The following HTT variants were observed in gnomAD, a reference collection of about 807,000 sequenced individuals.
The protein encoded by HTT is huntington disease protein.
HTT carries 104 observed loss-of-function variants against 362.3 expected under a neutral mutation model. That is an observed-to-expected ratio of 0.29 (90% CI 0.24 to 0.34). HTT has a LOEUF of 0.34. HTT is among the 10% of genes least tolerant of loss of function. The probability of loss-of-function intolerance (pLI) is 1.00; values close to 1 mark genes in which losing one functional copy is unlikely to be tolerated. For synonymous variants in HTT, 1,577 were observed against 1,548.7 expected, an observed-to-expected ratio of 1.02 and a Z score of -0.43; for missense variants, 3,301 against 3,928.6, an observed-to-expected ratio of 0.84 and a Z score of 4.27.
intron 26 of HTT, among the ~76,000 whole-genome samples, chr4:3,149,460 C>T (rs1220650981): frequency 6.6e-6 from 1 of 152,052 alleles, no homozygotes; most frequent in African/African-American, 2.4e-5. Context: ...CATGCACCAC[C>T]ACACCCAGCT....
chr4:3,161,692 G>A (rs1016144048), intron 29 of HTT, among the ~76,000 whole-genome samples: 11 of 152,018 alleles, frequency 7.2e-5, no homozygotes, highest in African/African-American at 2.2e-4. Context: ...GCATTTTTTC[G>A]TATGTCTGTT....
intron 29 of HTT, among the ~76,000 whole-genome samples, chr4:3,170,152 T>A (rs963504268): frequency 1.3e-5 from 2 of 152,192 alleles, no homozygotes; most frequent in African/African-American, 4.8e-5. Context: ...TTTTACTTTG[T>A]TGGATGCTAT....
intron 31 of HTT, among the ~76,000 whole-genome samples, chr4:3,174,425 A>G (rs190155522): frequency 9.2e-5 from 14 of 152,314 alleles, no homozygotes; most frequent in African/African-American, 3.4e-4. Context: ...CTCAAATCTC[A>G]CTTAAGACTG....
At chr4:3,147,413 C>T (rs1716661995) in intron 25 of HTT, among the ~76,000 whole-genome samples, 1 of 152,066 alleles carries the variant, frequency 6.6e-6, no homozygotes, top group African/African-American at 2.4e-5. Flanking sequence ...GAGGGTGTAG[C>T]ACCTTGGCGA....
At chr4:3,086,577 G>T (rs1052256844) in intron 1 of HTT, among the ~76,000 whole-genome samples, 1 of 152,170 alleles carries the variant, frequency 6.6e-6, no homozygotes, top group Non-Finnish European at 1.5e-5. Context: ...AGGCTGAGAC[G>T]GGAGGATCCT....
rs558375924 is a variant in HTT at position 3,187,226 on chromosome 4, A to G, written c.4990-425A>G. Among the ~76,000 whole-genome samples, 255 of 140,440 alleles carry G rather than the reference A, an allele frequency of 1.8e-3. 2 individuals carry two copies. Among genetic ancestry groups the G allele is most frequent in the Admixed American group, 3.3e-3 (46 of 13,950 alleles). 92.1% of individuals were successfully genotyped at this position (140,440 alleles called of 152,430 possible). On this transcript the variant is annotated intron_variant, in intron 38 of 66. Coordinates refer to ENST00000355072, the MANE Select transcript of HTT (RefSeq NM_001388492.1). ...GCTGGAGTACAGTGGCGCTACCTCG[A>G]CTCACTGCAACCTCCGCCTCCCGGG...
At chr4:3,211,005 C>G (rs1361607901) in intron 47 of HTT, among the ~76,000 whole-genome samples, 1 of 150,352 alleles carries the variant, frequency 6.7e-6, no homozygotes, top group Non-Finnish European at 1.5e-5. Flanking sequence ...TGGGTTCATA[C>G]GATTCTCCTG....
chr4:3,136,076 TCA>T, intron 20 of HTT, 109 bp downstream of exon 20: 2 of 932,804 alleles, frequency 2.1e-6, no homozygotes, highest in South Asian at 1.6e-5. Context: ...GATGTTTATT[TCA>T]CAGTTTATAT....
chr4:3,076,316 A>G (rs1712547102), intron 1 of HTT, among the ~76,000 whole-genome samples: 1 of 152,122 alleles, frequency 6.6e-6, no homozygotes, highest in Non-Finnish European at 1.5e-5. Flanking sequence ...TCAGTATTCT[A>G]TTTCCGATCT....
intron 64 of HTT, among the ~76,000 whole-genome samples, chr4:3,237,436 C>A (rs1243800852): frequency 3.3e-5 from 5 of 152,216 alleles, no homozygotes; most frequent in Admixed American, 6.5e-5. Flanking sequence ...TCACTGAGCA[C>A]CACTGCGACT....
chr4:3,186,945 G>A (rs575803617), intron 38 of HTT, among the ~76,000 whole-genome samples: 1 of 146,876 alleles, frequency 6.8e-6, no homozygotes, highest in Non-Finnish European at 1.5e-5. Context: ...TGCAAGCTCT[G>A]CCTTCCAGCT....
intron 1 of HTT, among the ~76,000 whole-genome samples, chr4:3,080,952 T>C (rs1712864807): frequency 6.6e-6 from 1 of 152,244 alleles, no homozygotes; most frequent in South Asian, 2.1e-4. Flanking sequence ...GGTCTTTATG[T>C]CGATCCTGTG....
intron 21 of HTT, among the ~76,000 whole-genome samples, chr4:3,140,013 G>T (rs931802582): frequency 1.3e-5 from 2 of 152,036 alleles, no homozygotes; most frequent in Non-Finnish European, 1.5e-5. Context: ...CCAGCACTAT[G>T]GGGGGCTGAG....
In HTT at chr4:3,241,412, CA is replaced by C. The variant is rs1721794485; in HGVS notation, c.*1355del. 1 of 152,352 alleles carries C rather than the reference CA, an allele frequency of 6.6e-6. No individual in the cohort carries two copies. The highest frequency in any genetic ancestry group is 1.5e-5 in the Non-Finnish European group (1 of 68,078). 9.4% of individuals were successfully genotyped at this position (152,352 alleles called of 1,614,324 possible). ...CTCCTGTTTGCAGGCCCAGAGGAGCCAAGTCATTAAAATGGAAGTGGATTCT... is the reference window on the plus strand; with the variant it reads ...CTCCTGTTTGCAGGCCCAGAGGAGCCAGTCATTAAAATGGAAGTGGATTCT... On this transcript the variant is annotated 3_prime_UTR_variant, in exon 67 of 67. Coordinates refer to ENST00000355072, the MANE Select transcript of HTT (RefSeq NM_001388492.1).
At chr4:3,171,648 T>G (rs186472013) in intron 29 of HTT, among the ~76,000 whole-genome samples, 2 of 152,214 alleles carry the variant, frequency 1.3e-5, no homozygotes, top group African/African-American at 4.8e-5. Context: ...TGGCTAATTT[T>G]GTATTTTTGG....
chr4:3,077,068 C>T (rs1266712690), intron 1 of HTT, among the ~76,000 whole-genome samples: 1 of 151,956 alleles, frequency 6.6e-6, no homozygotes, highest in East Asian at 1.9e-4. Context: ...ATCCAAGCTA[C>T]CTGGGAGGCT....
intron 37 of HTT, among the ~76,000 whole-genome samples, chr4:3,186,063 A>G (rs910152459): frequency 2.0e-5 from 3 of 152,226 alleles, no homozygotes; most frequent in Non-Finnish European, 4.4e-5. Flanking sequence ...TGATTTTTCA[A>G]AACAACTAAA....
In HTT at chr4:3,240,823, A is replaced by G. The variant is rs552157571; in HGVS notation, c.*764A>G. 6.5e-6 allele frequency: 1 copy of G among 152,698 alleles called. No homozygotes were observed. The highest frequency in any genetic ancestry group is 2.4e-5 in the African/African-American group (1 of 41,556). 9.5% of individuals were successfully genotyped at this position (152,698 alleles called of 1,614,324 possible). A position where few individuals can be genotyped will look rare whatever the true frequency, so the allele number is the denominator to read the frequency against. On this transcript the variant is annotated 3_prime_UTR_variant, in exon 67 of 67. Coordinates refer to ENST00000355072, the MANE Select transcript of HTT (RefSeq NM_001388492.1). ...ATTTCCGTTGTACATGTTCCTGTTT[A>G]TGCATTCACAAGGTGACTGGGATGT... is the stretch of plus-strand genomic sequence containing the variant.
At chr4:3,235,847 T>C (rs1233759852) in intron 63 of HTT, 69 bp downstream of exon 63, 1 of 1,211,310 alleles carries the variant, frequency 8.3e-7, no homozygotes, top group East Asian at 2.5e-5. Flanking sequence ...GCATGCTCAC[T>C]CAAGGGACCT....
Sources: gnomAD v4.1 joint callset for allele counts (sites outside exome capture counted in the v4.1 genomes callset) on GRCh38, gnomAD v4.1.1 for gene constraint, MANE v1.5 for transcripts, NCBI Gene and HGNC (gene_info 2026-07-23, HGNC 2026-07-21) for gene names.